NEK10: variants seen among roughly 807,000 people sequenced by gnomAD.
The protein encoded by NEK10 is NIMA related kinase 10.
Under a neutral mutation model 159.8 loss-of-function variants are expected in NEK10, and 122 were observed. That is an observed-to-expected ratio of 0.76 (90% CI 0.66 to 0.89). The LOEUF (loss-of-function observed/expected upper bound fraction) is 0.89, where lower values mean the gene tolerates loss of function less well. Among genes scored for constraint, NEK10 ranks in the 40% least tolerant of loss-of-function variants. The probability of loss-of-function intolerance (pLI) is 0.00; values close to 1 mark genes in which losing one functional copy is unlikely to be tolerated. For synonymous variants in NEK10, 466 were observed against 457.1 expected (o/e 1.02, Z -0.25); for missense variants, 1,342 against 1,323.1 (o/e 1.01, Z -0.22).
At chr3:27,350,932 T>C (rs149931949) in intron 3 of NEK10, among the ~76,000 whole-genome samples, 28 of 152,262 alleles carry the variant, frequency 1.8e-4, no homozygotes, top group African/African-American at 6.5e-4. Flanking sequence ...CACAATTCAA[T>C]TTAGCAAAAT....
intron 26 of NEK10, 144 bp downstream of exon 26, chr3:27,191,885 G>T (rs11926580): frequency 0.25 from 153,680 of 625,592 alleles, 20,364 homozygotes; most frequent in Middle Eastern, 0.37. Context: ...ATACAGAAAT[G>T]GATATAAATA....
chr3:27,159,448 CAT>C (rs1347423304), intron 30 of NEK10, among the ~76,000 whole-genome samples: 1 of 152,050 alleles, frequency 6.6e-6, no homozygotes, highest in East Asian at 1.9e-4. Context: ...AATTATAGTA[CAT>C]ATAGTTCTCA....
At chr3:27,321,251 A>G (rs2045607782) in intron 6 of NEK10, among the ~76,000 whole-genome samples, 1 of 152,188 alleles carries the variant, frequency 6.6e-6, no homozygotes, top group Admixed American at 6.5e-5. Context: ...ATGGGCCATG[A>G]ACTAGTAGCA....
intron 26 of NEK10, among the ~76,000 whole-genome samples, chr3:27,181,815 G>A (rs550502699): frequency 1.3e-5 from 2 of 152,142 alleles, no homozygotes; most frequent in African/African-American, 4.8e-5. Context: ...TCCCAGGAAA[G>A]AATAAATGCT....
intron 23 of NEK10, among the ~76,000 whole-genome samples, chr3:27,219,368 A>T (rs1951867142): frequency 6.6e-6 from 1 of 152,208 alleles, no homozygotes; most frequent in South Asian, 2.1e-4. Flanking sequence ...CAATTATCAG[A>T]TGAATTTAGG....
chr3:27,342,349 A>C (rs184005045), intron 5 of NEK10, among the ~76,000 whole-genome samples: 51 of 152,318 alleles, frequency 3.3e-4, no homozygotes, highest in Non-Finnish European at 5.7e-4. Flanking sequence ...TGGCTATTTT[A>C]GCAAGGTTAC....
At chr3:27,207,499 T>A (rs1950626585) in intron 23 of NEK10, among the ~76,000 whole-genome samples, 1 of 151,866 alleles carries the variant, frequency 6.6e-6, no homozygotes, top group African/African-American at 2.4e-5. Context: ...TCTCAAGGAG[T>A]TTGGGACACA....
rs752305967 is a variant in NEK10 at position 27,171,818 on chromosome 3, C to A, written c.2831+1G>T. ...TTTCTAGGAGTTCAATTTGCACCTA[C>A]CTTGTTTGGGATTGTCTTTCTCCTC... On this transcript the variant is annotated splice_donor_variant, in intron 29 of 35. Transcript: ENST00000691995. LOFTEE classifies it high-confidence loss of function. The A allele has an allele frequency of 3.1e-6, 5 of 1,613,660 alleles. No individual in the cohort carries two copies. The highest frequency in any genetic ancestry group is 4.2e-6 in the Non-Finnish European group (5 of 1,179,880).
At chr3:27,236,793 A>G (rs1953964683) in intron 23 of NEK10, among the ~76,000 whole-genome samples, 1 of 152,162 alleles carries the variant, frequency 6.6e-6, no homozygotes, top group Non-Finnish European at 1.5e-5. Context: ...AGAGTTACTG[A>G]TGAGGTTCTA....
At position 27,233,769 on chromosome 3, in the gene NEK10, T is replaced by C. The variant is rs376749924; in HGVS notation, c.2090+22527A>G. Among the ~76,000 whole-genome samples, 8 of 152,028 alleles carry C rather than the reference T, an allele frequency of 5.3e-5. No individual in the cohort carries two copies. In the East Asian group the frequency reaches 7.7e-4, roughly 15 times the overall value. On this transcript the variant is annotated intron_variant, in intron 23 of 35. Coordinates refer to ENST00000691995, the MANE Select transcript of NEK10 (RefSeq NM_001394966.1). ...AGGAACTCTTCCCTAACCCATTCTA[T>C]GAGGCCAGCAACATCCTGATACTAA...
chr3:27,166,381 TTTTGTTTG>T lies in NEK10; in HGVS notation c.2832-3651_2832-3644del, dbSNP rs745390447. ...AACAAAGTGGTCTTACTATGTGTTTTTTTGTTTGTTTGTTTGTTTGTTTGTTTTAAGGC... is the reference window on the plus strand; with the variant it reads ...AACAAAGTGGTCTTACTATGTGTTTTTTTGTTTGTTTGTTTGTTTTAAGGC... On this transcript the variant is annotated intron_variant, in intron 29 of 35. Transcript: ENST00000691995. Among the ~76,000 whole-genome samples, 579 of 152,168 alleles carry T rather than the reference TTTTGTTTG, an allele frequency of 3.8e-3. 3 individuals are homozygous for T. The highest frequency in any genetic ancestry group is 6.6e-3 in the Non-Finnish European group (449 of 68,016).
chr3:27,204,368 T>A (rs1431228518), intron 23 of NEK10, among the ~76,000 whole-genome samples: 1 of 123,850 alleles, frequency 8.1e-6, no homozygotes, highest in Non-Finnish European at 1.7e-5. Flanking sequence ...TGCAGGTTAG[T>A]TACATATGTA....
At chr3:27,279,592 T>C (rs191774968) in intron 22 of NEK10, among the ~76,000 whole-genome samples, 371 of 152,354 alleles carry the variant, frequency 2.4e-3, no homozygotes, top group Admixed American at 9.9e-3. Context: ...ATTTCAGCAC[T>C]ATTATATTTA....
intron 22 of NEK10, among the ~76,000 whole-genome samples, chr3:27,271,117 T>C (rs1340481582): frequency 6.6e-6 from 1 of 151,744 alleles, no homozygotes; most frequent in African/African-American, 2.4e-5. Flanking sequence ...ACTATATGTA[T>C]ATCCATCTAT....
At chr3:27,150,713 A>G (rs1944769235) in intron 30 of NEK10, among the ~76,000 whole-genome samples, 1 of 152,180 alleles carries the variant, frequency 6.6e-6, no homozygotes, top group Non-Finnish European at 1.5e-5. Context: ...CAGTCCAATG[A>G]TCAAGGAGTC....
intron 30 of NEK10, among the ~76,000 whole-genome samples, chr3:27,153,307 G>T (rs189982077): frequency 6.9e-6 from 1 of 144,800 alleles, no homozygotes; most frequent in East Asian, 2.0e-4. Context: ...GCGACAGAGC[G>T]AGACTCCATC....
intron 31 of NEK10, among the ~76,000 whole-genome samples, 164 bp from the exon 32 acceptor site, chr3:27,132,154 C>T (rs1942696244): frequency 6.6e-6 from 1 of 152,128 alleles, no homozygotes; most frequent in Admixed American, 6.5e-5. Context: ...ATAATTTTTA[C>T]CCTGCGATTC....
chr3:27,162,733 A>G lies in NEK10; in HGVS notation c.2837T>C (p.Phe946Ser), dbSNP rs537611124. 1 of 1,614,122 alleles carries G rather than the reference A, an allele frequency of 6.2e-7. No homozygotes were observed. Among genetic ancestry groups the G allele is most frequent in the Admixed American group, 1.7e-5 (1 of 60,020 alleles). Residue 946 changes from phenylalanine to serine, a missense_variant, in exon 30 of 36, where the codon TTC becomes TCC. Transcript: ENST00000691995. ...TGGTCTTGATCCTGTTCCTCCAGTG[A>G]AGTCCCTGAAAATAGAATTACAGGC... is the stretch of plus-strand genomic sequence containing the variant. ...GGERQSQTRD[F>S]TGGTGSRPRP...
chr3:27,258,982 T>G (rs571229151), intron 22 of NEK10, among the ~76,000 whole-genome samples: 1 of 152,314 alleles, frequency 6.6e-6, no homozygotes, highest in East Asian at 1.9e-4. Flanking sequence ...ATGATGAGCA[T>G]TTTTTCATCT....
Sources: gnomAD v4.1 joint callset for allele counts (sites outside exome capture counted in the v4.1 genomes callset) on GRCh38, gnomAD v4.1.1 for gene constraint, MANE v1.5 for transcripts, NCBI Gene and HGNC (gene_info 2026-07-23, HGNC 2026-07-21) for gene names.